Variants in CRACDL observed in about 807,000 individuals in gnomAD.
The protein encoded by CRACDL is CRACD like.
Under a neutral mutation model 70.6 loss-of-function variants are expected in CRACDL, and 26 were observed. That is an observed-to-expected ratio of 0.37 (90% CI 0.27 to 0.51). The LOEUF is 0.51. Ranked by LOEUF, CRACDL falls within the 20% of genes least tolerant of loss-of-function variation. CRACDL has a pLI of 0.94. For synonymous variants in CRACDL, 618 were observed against 615.2 expected, an observed-to-expected ratio of 1.00 and a Z score of -0.07; for missense variants, 1,283 against 1,376.9, an observed-to-expected ratio of 0.93 and a Z score of 1.08.
chr2:98,797,266 T>C (rs2104393937), intron 8 of CRACDL, 84 bp downstream of exon 8: 2 of 1,290,138 alleles, frequency 1.6e-6, no homozygotes, highest in Non-Finnish European at 1.1e-6. Context: ...ATGCAGCACA[T>C]GTGGTCCTTA....
At chr2:98,884,713 C>T (rs969070330) in intron 1 of CRACDL, among the ~76,000 whole-genome samples, 2 of 152,186 alleles carry the variant, frequency 1.3e-5, no homozygotes, top group African/African-American at 4.8e-5. Context: ...TCCCTCACTC[C>T]TGCTATGTGA....
At position 98,930,306 on chromosome 2, in the gene CRACDL, G is replaced by A. The variant is rs1056274152; in HGVS notation, c.-11+5632C>T. ...CATCTCCGTCCCCACCCTCTGTACC[G>A]TGTCCCCTACCCCATCCCCATCCCC... On this transcript the variant is annotated intron_variant, in intron 1 of 9. Transcript: ENST00000397899. 2.7e-4 allele frequency among the ~76,000 whole-genome samples: 33 copies of A among 121,562 alleles called. 1 individual carries two copies. Among genetic ancestry groups the A allele is most frequent in the African/African-American group, 1.0e-3 (31 of 29,892 alleles). The allele number at this position is 121,562 out of a possible 152,430, so 79.7% of individuals were successfully genotyped here.
At chr2:98,929,253 T>C (rs1044053896) in intron 1 of CRACDL, among the ~76,000 whole-genome samples, 1 of 152,160 alleles carries the variant, frequency 6.6e-6, no homozygotes, top group African/African-American at 2.4e-5. Flanking sequence ...TCAGAGTGCT[T>C]GCGGTATTTC....
chr2:98,802,175 AGTGT>A (rs978251617), intron 7 of CRACDL, among the ~76,000 whole-genome samples: 2 of 152,358 alleles, frequency 1.3e-5, no homozygotes, highest in South Asian at 2.1e-4. Context: ...CGTCTGCCAC[AGTGT>A]GTGAGAGCCA....
chr2:98,797,652 G>C (rs1408070786), intron 7 of CRACDL, 115 bp from the exon 8 acceptor site: 15 of 926,098 alleles, frequency 1.6e-5, no homozygotes, highest in Non-Finnish European at 2.3e-5. Flanking sequence ...CAGGGTGTCT[G>C]GGAGAGGATT....
intron 1 of CRACDL, among the ~76,000 whole-genome samples, chr2:98,930,974 C>T (rs1709058656): frequency 6.6e-6 from 1 of 151,976 alleles, no homozygotes; most frequent in Non-Finnish European, 1.5e-5. Flanking sequence ...GTCTACCACC[C>T]CCCCACCCCA....
At position 98,822,238 on chromosome 2, in the gene CRACDL, T is replaced by C. The variant is rs1430105774; in HGVS notation, c.2035A>G (p.Arg679Gly). 4.4e-6 allele frequency: 7 copies of C among 1,603,240 alleles called. No homozygotes were observed. The Middle Eastern group carries it at 5.0e-4, about 114-fold the overall frequency. Residue 679 changes from arginine (R) to glycine (G), a missense_variant, in exon 7 of 10, where the codon AGA becomes GGA. This residue lies in a region of CRACDL where 921 missense variants were observed against 881.9 expected (regional missense o/e 1.04). Transcript: ENST00000397899. The surrounding 1 kb of genome is among the most constrained non-coding windows in gnomAD (Gnocchi z 4.9). ...AAQEPAPSEDRNPFPVKLRST... is the reference protein window; with the variant it reads ...AAQEPAPSEDGNPFPVKLRST... ...CGGAGCTTGACGGGGAAGGGGTTTC[T>C]GTCCTCACTCGGGGCCGGCTCCTGG... is the stretch of plus-strand genomic sequence containing the variant.
intron 5 of CRACDL, 47 bp from the exon 6 acceptor site, chr2:98,827,216 T>G: frequency 1.4e-6 from 2 of 1,403,604 alleles, no homozygotes; most frequent in Non-Finnish European, 2.0e-6. Context: ...CTTCACCGTG[T>G]GAAATAAGGA....
intron 1 of CRACDL, among the ~76,000 whole-genome samples, chr2:98,907,052 G>T (rs917483792): frequency 7.9e-5 from 12 of 152,300 alleles, no homozygotes; most frequent in Admixed American, 5.2e-4. Context: ...AGCACTTTAG[G>T]AGGCCGAGGT....
intron 1 of CRACDL, among the ~76,000 whole-genome samples, chr2:98,914,347 A>T (rs543401218): frequency 4.0e-5 from 6 of 151,784 alleles, no homozygotes; most frequent in Admixed American, 3.9e-4. Context: ...GCTGGACCCT[A>T]CCCCCTCACT....
At chr2:98,901,369 G>A (rs924953267) in intron 1 of CRACDL, among the ~76,000 whole-genome samples, 1 of 152,176 alleles carries the variant, frequency 6.6e-6, no homozygotes, top group African/African-American at 2.4e-5. Context: ...CAGTGCTTGG[G>A]AGAACCCTGA....
intron 1 of CRACDL, among the ~76,000 whole-genome samples, chr2:98,901,678 C>A (rs1289631204): frequency 6.6e-6 from 1 of 152,210 alleles, no homozygotes; most frequent in East Asian, 1.9e-4. Flanking sequence ...AGTCTAGAGT[C>A]TCCAATTTAT....
rs1223486045 is a variant in CRACDL at position 98,929,735 on chromosome 2, A to C, written c.-11+6203T>G. ...GTGTCTTCAATAAGGGGCATTTGTC[A>C]AATTGTTTGGGAACATTCAATTTTG... On this transcript the variant is annotated intron_variant, in intron 1 of 9. Transcript: ENST00000397899. Among the ~76,000 whole-genome samples, 3 of 152,290 alleles carry C rather than the reference A, an allele frequency of 2.0e-5. No individual in the cohort carries two copies. In the South Asian group the frequency reaches 6.2e-4, roughly 32 times the overall value.
intron 1 of CRACDL, among the ~76,000 whole-genome samples, chr2:98,897,737 G>C (rs929108759): frequency 3.9e-5 from 6 of 152,250 alleles, no homozygotes; most frequent in Non-Finnish European, 8.8e-5. Flanking sequence ...AGACTTTTGA[G>C]CTAGAAGGCA....
Position 98,823,494 on chromosome 2 carries a change from T to A in CRACDL, c.779A>T (p.Glu260Val), listed in dbSNP as rs1254389454. 2 of 1,594,266 alleles carry A rather than the reference T, an allele frequency of 1.3e-6. No homozygotes were observed. Among genetic ancestry groups the A allele is most frequent in the Non-Finnish European group, 1.7e-6 (2 of 1,177,894 alleles). ...ESLSDLTCTP[E>V]EEENEEKPLL... is the part of the protein sequence containing the mutation. ...TGGCTTCTCCTCGTTTTCCTCCTCC[T>A]CTGGGGTGCACGTCAGGTCGCTCAG... The change falls in exon 7 of 10, where the codon GAG becomes GTG. Residue 260 changes from glutamate to valine, a missense_variant. By Grantham distance (121) the Glu-to-Val change is moderately radical (BLOSUM62 -2). Coordinates refer to ENST00000397899, the MANE Select transcript of CRACDL (RefSeq NM_207362.3). The surrounding 1 kb of genome is among the most constrained non-coding windows in gnomAD (Gnocchi z 4.0).
chr2:98,820,985 A>G (rs1705002630), intron 7 of CRACDL, among the ~76,000 whole-genome samples: 1 of 152,228 alleles, frequency 6.6e-6, no homozygotes, highest in Non-Finnish European at 1.5e-5. Context: ...ACCTGCATCA[A>G]AATGAGTACA....
At chr2:98,832,701 C>T (rs761320322) in intron 4 of CRACDL, among the ~76,000 whole-genome samples, 161 bp downstream of exon 4, 2 of 152,156 alleles carry the variant, frequency 1.3e-5, no homozygotes, top group African/African-American at 2.4e-5. Flanking sequence ...AAGAATGAGT[C>T]GAGATCCCAC....
intron 1 of CRACDL, among the ~76,000 whole-genome samples, chr2:98,854,279 CA>C (rs1229198569): frequency 0.049 from 2,632 of 54,186 alleles, 8 homozygotes; most frequent in Non-Finnish European, 0.055. Flanking sequence ...GACTCTGTCT[CA>C]AAAAAAAAAA....
chr2:98,795,400 T>G (rs997625906), intron 9 of CRACDL, among the ~76,000 whole-genome samples: 1 of 151,970 alleles, frequency 6.6e-6, no homozygotes, highest in Non-Finnish European at 1.5e-5. Flanking sequence ...TACTGATACA[T>G]GCAACAACAA....
Sources: gnomAD v4.1 joint callset for allele counts (sites outside exome capture counted in the v4.1 genomes callset) on GRCh38, gnomAD v4.1.1 for gene constraint, gnomAD v4.1.1 regional missense constraint, Gnocchi (gnomAD v3.1) non-coding constraint, MANE v1.5 for transcripts, NCBI Gene and HGNC (gene_info 2026-07-23, HGNC 2026-07-21) for gene names.